STT3A: variants seen among roughly 807,000 people sequenced by gnomAD.
STT3A encodes dolichyl-diphosphooligosaccharide--protein glycosyltransferase subunit STT3A.
A neutral mutation model predicts 89.2 loss-of-function variants in STT3A; 34 were observed. The observed-to-expected ratio is 0.38, with a 90% CI of 0.29 to 0.51. STT3A has a LOEUF of 0.51. Ranked by LOEUF, STT3A falls within the 20% of genes least tolerant of loss-of-function variation. STT3A has a pLI of 0.89. For missense variants in STT3A, 555 were observed against 889.5 expected, an observed-to-expected ratio of 0.62 and a Z score of 4.78; for synonymous variants, 282 against 310.3, an observed-to-expected ratio of 0.91 and a Z score of 0.96.
At chr11:125,615,874 T>TA (rs1360642019) in intron 15 of STT3A, among the ~76,000 whole-genome samples, 1 of 151,940 alleles carries the variant, frequency 6.6e-6, no homozygotes, top group Non-Finnish European at 1.5e-5. Flanking sequence ...CCGTCTCTAC[T>TA]AAAAAAATAC....
rs1370383958 is a variant in STT3A at position 125,606,462 on chromosome 11, C to T, written c.777C>T (p.Phe259=). Residue 259 remains phenylalanine (F), a synonymous_variant, in exon 8 of 18, where the codon TTC becomes TTT. Transcript: ENST00000392708. The part of the protein sequence containing the change: ...ILSMQISFVG[F]QPVLSSEHMA... ...CTATGCAGATCTCCTTTGTGGGTTT[C>T]CAGGTGAGCCCTTGACTGAGTAGGG... 1 of 1,611,814 alleles carries T rather than the reference C, an allele frequency of 6.2e-7. No individual in the cohort carries two copies. The highest frequency in any genetic ancestry group is 1.3e-5 in the African/African-American group (1 of 74,756).
chr11:125,602,653 A>C, intron 4 of STT3A, 150 bp from the exon 5 acceptor site: 1 of 1,169,554 alleles, frequency 8.6e-7, no homozygotes, highest in Non-Finnish European at 1.2e-6. Context: ...TTAGGGGAGA[A>C]ATTTATAGGC....
intron 3 of STT3A, 48 bp from the exon 4 acceptor site, chr11:125,602,255 G>A: frequency 1.2e-6 from 2 of 1,602,424 alleles, no homozygotes; most frequent in Non-Finnish European, 1.7e-6. Context: ...GTATCCTGAG[G>A]AGCAAAATTC....
chr11:125,602,167 A>T, intron 3 of STT3A, 136 bp from the exon 4 acceptor site: 1 of 972,846 alleles, frequency 1.0e-6, no homozygotes, highest in Non-Finnish European at 1.5e-6. Flanking sequence ...GACTTATGGT[A>T]GTGTAAAATG....
chr11:125,592,747 G>A (rs11220141), upstream of STT3A: 21,897 of 291,638 alleles, frequency 0.075, 1,014 homozygotes, highest in African/African-American at 0.12. Flanking sequence ...TTACGCCTCC[G>A]GATTTGACAG....
chr11:125,611,614 C>G, intron 11 of STT3A, 95 bp downstream of exon 11: 1 of 1,125,442 alleles, frequency 8.9e-7, no homozygotes, highest in Non-Finnish European at 1.3e-6. Flanking sequence ...GATGATTGTG[C>G]ACATGCTTCC....
chr11:125,612,877 C>G, intron 12 of STT3A, 112 bp from the exon 13 acceptor site: 1 of 1,502,362 alleles, frequency 6.7e-7, no homozygotes, highest in Non-Finnish European at 9.1e-7. Context: ...ACTCATATAG[C>G]CTCTGACTTA....
chr11:125,620,525 A>G (rs552514876), intron 17 of STT3A, among the ~76,000 whole-genome samples: 1 of 152,238 alleles, frequency 6.6e-6, no homozygotes, highest in South Asian at 2.1e-4. Context: ...TATCTCTCAT[A>G]TAAGAAAAGA....
chr11:125,592,255 T>C (rs938094510), upstream of STT3A, among the ~76,000 whole-genome samples: 2 of 152,188 alleles, frequency 1.3e-5, no homozygotes, highest in African/African-American at 4.8e-5. Flanking sequence ...CCCAGGTCCA[T>C]CGCAGTTACC....
intron 15 of STT3A, among the ~76,000 whole-genome samples, chr11:125,616,850 A>G (rs1940194732): frequency 6.6e-6 from 1 of 151,932 alleles, no homozygotes. Flanking sequence ...GCCAATTTTT[A>G]TACTTTTTGT....
intron 8 of STT3A, 47 bp from the exon 9 acceptor site, chr11:125,608,062 C>T (rs1165980722): frequency 2.0e-6 from 3 of 1,530,500 alleles, no homozygotes; most frequent in South Asian, 1.3e-5. Context: ...ACTGGACTTA[C>T]TCATTTTTTT....
chr11:125,619,589 TA>T (rs1940286289), intron 16 of STT3A, among the ~76,000 whole-genome samples: 1 of 152,166 alleles, frequency 6.6e-6, no homozygotes. Flanking sequence ...GTTATTTGAT[TA>T]GGTTAAGTCT....
In STT3A at chr11:125,606,292, C is replaced by T. The variant is rs1386707702; in HGVS notation, c.616-9C>T. On this transcript the variant is annotated splice_polypyrimidine_tract_variant and intron_variant, in intron 7 of 17. Transcript: ENST00000392708. ...CTCAGAGGAACTGTTTTTTTCTATT[C>T]CATCATAGGTCTCGTCATGGGGAGG... 1 of 1,608,426 alleles carries T rather than the reference C, an allele frequency of 6.2e-7. No homozygotes were observed.
chr11:125,609,401 T>C, intron 9 of STT3A, 33 bp from the exon 10 acceptor site: 11 of 1,565,136 alleles, frequency 7.0e-6, no homozygotes, highest in Non-Finnish European at 9.5e-6. Flanking sequence ...TTGAAGAGTG[T>C]GTGTGGAATA....
At chr11:125,618,198 A>G (rs1349251334) in intron 15 of STT3A, among the ~76,000 whole-genome samples, 175 bp from the exon 16 acceptor site, 1 of 152,226 alleles carries the variant, frequency 6.6e-6, no homozygotes, top group Non-Finnish European at 1.5e-5. Context: ...GAAAAGTTGT[A>G]TATTTTGACG....
intron 15 of STT3A, among the ~76,000 whole-genome samples, chr11:125,616,802 T>C (rs1444965363): frequency 6.6e-6 from 1 of 152,126 alleles, no homozygotes; most frequent in Non-Finnish European, 1.5e-5. Context: ...CTCAGCCTCC[T>C]GAGTAGCTGG....
intron 7 of STT3A, 193 bp from the exon 8 acceptor site, chr11:125,606,108 G>A (rs1202964010): frequency 3.6e-6 from 2 of 562,380 alleles, no homozygotes; most frequent in African/African-American, 3.8e-5. Flanking sequence ...TGTGTGACCT[G>A]TACATGTAAG....
In STT3A at chr11:125,614,842, T is replaced by C. The variant is rs1353004637; in HGVS notation, c.1774+416T>C. ...GAGAACATTTTATATATATATAAAA[T>C]ATATATAAATAAAAGTGTGTGTAAA... is the stretch of plus-strand genomic sequence containing the variant. On this transcript the variant is annotated intron_variant, in intron 15 of 17. Transcript: ENST00000392708. The surrounding 1 kb of genome is among the most constrained non-coding windows in gnomAD (Gnocchi z 4.9). 1.3e-5 allele frequency among the ~76,000 whole-genome samples: 2 copies of C among 151,556 alleles called. No homozygotes were observed. Among genetic ancestry groups the C allele is most frequent in the African/African-American group, 4.8e-5 (2 of 41,358 alleles).
chr11:125,605,605 A>G (rs960783794), intron 6 of STT3A, 24 bp from the exon 7 acceptor site: 2 of 1,592,412 alleles, frequency 1.3e-6, no homozygotes, highest in Admixed American at 1.7e-5. Context: ...CTCTTGTTGA[A>G]TTTTTGGTGT....
Sources: allele counts gnomAD v4.1 joint callset (sites outside exome capture counted in the v4.1 genomes callset), GRCh38; gene constraint gnomAD v4.1.1; non-coding constraint Gnocchi (gnomAD v3.1); transcripts MANE v1.5; gene names NCBI Gene and HGNC (gene_info 2026-07-23, HGNC 2026-07-21).